Variants in ABCA13 observed in about 807,000 individuals in gnomAD.
ABCA13 encodes the protein ATP-binding cassette sub-family A member 13.
Under a neutral mutation model 478.7 loss-of-function variants are expected in ABCA13, and 476 were observed. That is an observed-to-expected ratio of 0.99 (90% confidence interval 0.92 to 1.07). The LOEUF is 1.07. ABCA13 is among the 50% of genes least tolerant of loss of function. The pLI, the probability that ABCA13 is intolerant of heterozygous loss-of-function variation, is 0.00. For missense variants in ABCA13, 6,060 were observed against 5,910.6 expected (o/e 1.03, Z -0.83); for synonymous variants, 2,252 against 2,158.9 (o/e 1.04, Z -1.20).
chr7:48,349,418 G>T (rs1808596954), intron 29 of ABCA13, among the ~76,000 whole-genome samples: 1 of 152,248 alleles, frequency 6.6e-6, no homozygotes, highest in Non-Finnish European at 1.5e-5. Context: ...GAAGTTGGCA[G>T]ATGGAAACTA....
Position 48,451,169 on chromosome 7 carries a change from T to C in ABCA13, c.12566-3868T>C, listed in dbSNP as rs570616073. Among the ~76,000 whole-genome samples, 92 of 152,096 alleles carry C rather than the reference T, an allele frequency of 6.0e-4. No individual in the cohort carries two copies. In the Middle Eastern group the frequency reaches 0.014, roughly 22 times the overall value. On this transcript the variant is annotated intron_variant, in intron 42 of 61. Transcript: ENST00000435803. ...TACACCACCATGCCTGGCTAATTTT[T>C]GTATTTTTAGTAGACACAGGGTTTC...
At chr7:48,475,458 ATTTTTTTTTTT>A (rs398047655) in intron 45 of ABCA13, among the ~76,000 whole-genome samples, 2 of 100,476 alleles carry the variant, frequency 2.0e-5, no homozygotes, top group African/African-American at 7.7e-5. Context: ...TGTCAATTTA[ATTTTTTTTTTT>A]TTTTTTTTTT....
Position 48,389,059 on chromosome 7 carries a change from G to C in ABCA13, c.11493G>C (p.Arg3831Ser). Residue 3831 changes from arginine (R) to serine (S), a missense_variant, in exon 37 of 62, where the codon AGG (arginine) becomes AGC (serine). Physicochemically the swap from Arg to Ser is moderately radical, Grantham distance 110 (BLOSUM62 -1). This residue lies in a region of ABCA13 where 1,627 missense variants were observed against 1,571.0 expected (regional missense o/e 1.04). Coordinates refer to ENST00000435803, the MANE Select transcript of ABCA13 (RefSeq NM_152701.5). ...TCACAGGGTCATCACTGCAAAACAG[G>C]GAAGGAGAGCTTGAAGGAAGTGCCC... is the stretch of plus-strand genomic sequence containing the variant. ...FDNKGSSLQN[R>S]EGELEGSAPG... The C allele has an allele frequency of 6.2e-7, 1 of 1,613,810 alleles. No homozygotes were observed. The highest frequency in any genetic ancestry group is 8.5e-7 in the Non-Finnish European group (1 of 1,179,806).
At chr7:48,599,937 G>A (rs1790710075) in intron 58 of ABCA13, among the ~76,000 whole-genome samples, 1 of 152,122 alleles carries the variant, frequency 6.6e-6, no homozygotes, top group African/African-American at 2.4e-5. Context: ...CAGCAAGTTA[G>A]CTTGACAGTG....
chr7:48,525,847 A>G (rs972323251), intron 54 of ABCA13, among the ~76,000 whole-genome samples: 2 of 152,014 alleles, frequency 1.3e-5, no homozygotes, highest in Admixed American at 1.3e-4. Context: ...TCACCTAGGT[A>G]TTAAATCCCA....
At chr7:48,181,513 C>T (rs1395253876) in intron 1 of ABCA13, among the ~76,000 whole-genome samples, 1 of 151,386 alleles carries the variant, frequency 6.6e-6, no homozygotes, top group Non-Finnish European at 1.5e-5. Flanking sequence ...TAAATTTACT[C>T]TTTTTTACAC....
intron 1 of ABCA13, among the ~76,000 whole-genome samples, chr7:48,186,910 G>A (rs150589155): frequency 6.6e-6 from 1 of 151,666 alleles, no homozygotes; most frequent in East Asian, 1.9e-4. Flanking sequence ...GGAATTCATT[G>A]CCAAGCCTTT....
rs978980113 is a variant in ABCA13 at position 48,646,762 on chromosome 7, G to GC, written c.*1256dup. ...TCTCTATCTCCTGACCTTGTGATCC[G>GC]CCCCCCTCCACCTCCCAAAGTGCTG... is the stretch of plus-strand genomic sequence containing the variant. On this transcript the variant is annotated 3_prime_UTR_variant, in exon 62 of 62. Transcript: ENST00000435803. 1 of 152,002 alleles carries GC rather than the reference G, an allele frequency of 6.6e-6. No individual in the cohort carries two copies. Among genetic ancestry groups the GC allele is most frequent in the Non-Finnish European group, 1.5e-5 (1 of 68,022 alleles). 9.4% of individuals were successfully genotyped at this position (152,002 alleles called of 1,614,324 possible). A position where few individuals can be genotyped will look rare whatever the true frequency, so the allele number is the denominator to read the frequency against.
At chr7:48,242,155 A>T (rs1790929686) in intron 10 of ABCA13, among the ~76,000 whole-genome samples, 1 of 152,014 alleles carries the variant, frequency 6.6e-6, no homozygotes, top group South Asian at 2.1e-4. Context: ...ACACCACATT[A>T]AGTCACCGTA....
At chr7:48,396,668 C>T (rs1026098739) in intron 38 of ABCA13, among the ~76,000 whole-genome samples, 1 of 152,214 alleles carries the variant, frequency 6.6e-6, no homozygotes, top group East Asian at 1.9e-4. Context: ...AGTACGGACC[C>T]TCATTGGGGA....
intron 45 of ABCA13, among the ~76,000 whole-genome samples, chr7:48,479,109 G>A (rs996892069): frequency 3.4e-5 from 5 of 148,758 alleles, no homozygotes; most frequent in Admixed American, 1.3e-4. Context: ...CACTACGCCC[G>A]GCTAATTTTT....
At chr7:48,394,550 A>G (rs530111195) in intron 38 of ABCA13, among the ~76,000 whole-genome samples, 1 of 152,296 alleles carries the variant, frequency 6.6e-6, no homozygotes, top group South Asian at 2.1e-4. Context: ...TTATCATTTC[A>G]TGACAGCCTC....
chr7:48,416,951 T>C (rs551785758), intron 41 of ABCA13, among the ~76,000 whole-genome samples: 1 of 152,312 alleles, frequency 6.6e-6, no homozygotes, highest in Non-Finnish European at 1.5e-5. Flanking sequence ...TTTTTTTTTT[T>C]TTAAACAGGA....
At chr7:48,448,565 C>A (rs1824588314) in intron 42 of ABCA13, among the ~76,000 whole-genome samples, 1 of 152,130 alleles carries the variant, frequency 6.6e-6, no homozygotes, top group Admixed American at 6.6e-5. Flanking sequence ...TTGCAAAGAA[C>A]CAAATCAATG....
At chr7:48,532,133 GT>G (rs1487079601) in intron 55 of ABCA13, among the ~76,000 whole-genome samples, 1 of 152,052 alleles carries the variant, frequency 6.6e-6, no homozygotes, top group African/African-American at 2.4e-5. Flanking sequence ...TTGTCTATGG[GT>G]TTGTCATAGA....
intron 20 of ABCA13, among the ~76,000 whole-genome samples, chr7:48,294,447 G>GTTTTTTT (rs1321103452): frequency 7.4e-6 from 1 of 134,230 alleles, no homozygotes. Flanking sequence ...TTTTTGTTTT[G>GTTTTTTT]TTTTTTTTTT....
intron 27 of ABCA13, among the ~76,000 whole-genome samples, chr7:48,330,394 C>A (rs1805134601): frequency 6.8e-6 from 1 of 147,972 alleles, no homozygotes; most frequent in East Asian, 2.0e-4. Context: ...TCCATCCATC[C>A]AAATCTATCT....
chr7:48,283,467 G>A (rs1797322656), intron 19 of ABCA13, among the ~76,000 whole-genome samples: 1 of 152,268 alleles, frequency 6.6e-6, no homozygotes, highest in South Asian at 2.1e-4. Context: ...TTTCAGGTGA[G>A]ACTTGCGTAG....
chr7:48,293,444 C>T (rs1322012904), intron 20 of ABCA13, among the ~76,000 whole-genome samples: 1 of 152,078 alleles, frequency 6.6e-6, no homozygotes, highest in East Asian at 1.9e-4. Context: ...AAGTGTTGAC[C>T]TACATATGAT....
Sources: gnomAD v4.1 joint callset for allele counts (sites outside exome capture counted in the v4.1 genomes callset) on GRCh38, gnomAD v4.1.1 for gene constraint, gnomAD v4.1.1 regional missense constraint, MANE v1.5 for transcripts, NCBI Gene and HGNC (gene_info 2026-07-23, HGNC 2026-07-21) for gene names.